NAA30: variants seen among roughly 807,000 people sequenced by gnomAD.
NAA30 encodes the protein N-alpha-acetyltransferase 30.
NAA30 carries 5 observed loss-of-function variants against 31.4 expected under a neutral mutation model. The observed-to-expected ratio is 0.16, with a 90% CI of 0.08 to 0.33. The LOEUF (loss-of-function observed/expected upper bound fraction) is 0.33, where lower values mean the gene tolerates loss of function less well. NAA30 is among the 10% of genes least tolerant of loss of function. NAA30 has a pLI of 1.00. For missense variants in NAA30, 428 were observed against 490.8 expected (o/e 0.87, Z 1.21); for synonymous variants, 222 against 207.1 (o/e 1.07, Z -0.62).
Position 57,415,746 on chromosome 14 carries a change from T to C in NAA30, c.*6230T>C, listed in dbSNP as rs1566553501. 1 of 152,196 alleles carries C rather than the reference T, an allele frequency of 6.6e-6. No homozygotes were observed. Among genetic ancestry groups the C allele is most frequent in the African/African-American group, 2.4e-5 (1 of 41,448 alleles). The allele number at this position is 152,196 out of a possible 1,614,324, so 9.4% of individuals were successfully genotyped here. On this transcript the variant is annotated 3_prime_UTR_variant, in exon 5 of 5. Coordinates refer to ENST00000556492, the MANE Select transcript of NAA30 (RefSeq NM_001011713.3). ...GATTTCTCATGATTGTATATGGTTA[T>C]TGATCATTTTTAAGGGGCTGAACCT...
At chr14:57,396,061 C>T (rs76692755) in intron 2 of NAA30, among the ~76,000 whole-genome samples, 1 of 152,136 alleles carries the variant, frequency 6.6e-6, no homozygotes, top group Non-Finnish European at 1.5e-5. Context: ...TGTAGCCTCT[C>T]CCTTCCTGGC....
At chr14:57,395,725 T>C (rs1358219303) in intron 2 of NAA30, among the ~76,000 whole-genome samples, 1 of 152,168 alleles carries the variant, frequency 6.6e-6, no homozygotes, top group East Asian at 1.9e-4. Flanking sequence ...CATAAAGCTT[T>C]GATTTTGAAC....
rs1212095007 is a variant in NAA30, at chr14:57,406,234, G to C, written c.952-3145G>C. Among the ~76,000 whole-genome samples the C allele has an allele frequency of 3.9e-5, 6 of 152,210 alleles. No homozygotes were observed. In the East Asian group the frequency reaches 1.2e-3, roughly 29 times the overall value. On this transcript the variant is annotated intron_variant, in intron 4 of 4. Transcript: ENST00000556492. ...GAGCTTCATTTCATTAATATATTAG[G>C]ATGCAAACAAACTTGAACTCAGTTC... is the stretch of plus-strand genomic sequence containing the variant.
chr14:57,391,621 C>T lies in NAA30; in HGVS notation c.664C>T (p.Leu222=), dbSNP rs769623004. The T allele has an allele frequency of 3.7e-6, 6 of 1,614,256 alleles. No homozygotes were observed. Among genetic ancestry groups the T allele is most frequent in the South Asian group, 3.3e-5 (3 of 91,092 alleles). Residue 222 remains leucine (L), a synonymous_variant, in exon 2 of 5, where the codon CTA becomes TTA. Transcript: ENST00000556492. The surrounding 1 kb of genome is among the most constrained non-coding windows in gnomAD (Gnocchi z 4.1). ...ACGATATGTCCGATATGAATCCGAG[C>T]TACAAATGCCCGATATCATGAGACT... is the stretch of plus-strand genomic sequence containing the variant. ...TIRYVRYESE[L]QMPDIMRLIT...
chr14:57,394,457 G>A (rs1047717757), intron 2 of NAA30, among the ~76,000 whole-genome samples: 4 of 151,860 alleles, frequency 2.6e-5, no homozygotes, highest in South Asian at 2.1e-4. Flanking sequence ...ATTTAATAGC[G>A]TGAATTCCAA....
intron 3 of NAA30, among the ~76,000 whole-genome samples, chr14:57,397,720 T>C (rs1594750591): frequency 6.6e-6 from 1 of 151,314 alleles, no homozygotes; most frequent in Non-Finnish European, 1.5e-5. Context: ...AGGTCAGGAG[T>C]TCAAGACCAG....
Position 57,409,608 on chromosome 14 carries a change from G to T in NAA30, c.*92G>T. On this transcript the variant is annotated 3_prime_UTR_variant, in exon 5 of 5. Coordinates refer to ENST00000556492, the MANE Select transcript of NAA30 (RefSeq NM_001011713.3). The stretch of plus-strand genomic sequence containing the variant: ...CAGAATTGCTTTGCAGGTGGATTTA[G>T]TAATTTCCATGCAGCTCTTACCTGT... 7.6e-7 allele frequency: 1 copy of T among 1,313,870 alleles called. No individual in the cohort carries two copies. Among genetic ancestry groups the T allele is most frequent in the Non-Finnish European group, 1.0e-6 (1 of 981,752 alleles). 81.4% of individuals were successfully genotyped at this position (1,313,870 alleles called of 1,614,324 possible). A position where few individuals can be genotyped will look rare whatever the true frequency, so the allele number is the denominator to read the frequency against.
intron 4 of NAA30, among the ~76,000 whole-genome samples, chr14:57,405,856 G>A (rs2066496329): frequency 6.6e-6 from 1 of 152,140 alleles, no homozygotes; most frequent in African/African-American, 2.4e-5. Flanking sequence ...AAGCAGTAAT[G>A]TTTTGTAATG....
At chr14:57,405,544 G>A (rs2066495318) in intron 4 of NAA30, among the ~76,000 whole-genome samples, 1 of 152,080 alleles carries the variant, frequency 6.6e-6, no homozygotes, top group Non-Finnish European at 1.5e-5. Flanking sequence ...TGGGTGAGTA[G>A]TTTGGCCTAA....
chr14:57,391,108 G>T lies in NAA30; in HGVS notation c.151G>T (p.Gly51Cys). Residue 51 changes from glycine (G) to cysteine (C), a missense_variant, in exon 2 of 5, where the codon GGC (glycine) becomes TGC (cysteine). Gly to Cys is a radical substitution (Grantham distance 159). Coordinates refer to ENST00000556492, the MANE Select transcript of NAA30 (RefSeq NM_001011713.3). This position sits in a 1 kb window ranked among gnomAD's most constrained non-coding sequence, Gnocchi z 4.1. ...DEEDDEEHEG[G>C]GSRSPAGGES... is the part of the protein sequence containing the mutation. ...GGAGGACGACGAAGAGCACGAAGGC[G>T]GCGGCAGCAGGAGCCCGGCGGGCGG... 1 of 1,573,466 alleles carries T rather than the reference G, an allele frequency of 6.4e-7. No individual in the cohort carries two copies. Among genetic ancestry groups the T allele is most frequent in the Non-Finnish European group, 8.6e-7 (1 of 1,162,926 alleles).
intron 1 of NAA30, 81 bp from the exon 2 acceptor site, chr14:57,390,876 G>GC: frequency 7.1e-7 from 1 of 1,400,856 alleles, no homozygotes. Flanking sequence ...CACCTCGGCC[G>GC]CCCCCCATCC....
rs552957895 is a variant in NAA30, at chr14:57,408,720, G to A, written c.952-659G>A. Among the ~76,000 whole-genome samples, 8 of 152,184 alleles carry A rather than the reference G, an allele frequency of 5.3e-5. 2 individuals carry two copies. The highest frequency in any genetic ancestry group is 2.1e-4 in the South Asian group (1 of 4,810). On this transcript the variant is annotated intron_variant, in intron 4 of 4. Coordinates refer to ENST00000556492, the MANE Select transcript of NAA30 (RefSeq NM_001011713.3). ...ATTCAGCAAACTTTCTTGGTAAAAG[G>A]CCCACTAGTAATTATTTTAGGCTTT...
Position 57,396,894 on chromosome 14 carries a change from T to C in NAA30, c.895+19T>C. 2 of 1,611,654 alleles carry C rather than the reference T, an allele frequency of 1.2e-6. No individual in the cohort carries two copies. Among genetic ancestry groups the C allele is most frequent in the Non-Finnish European group, 1.7e-6 (2 of 1,178,214 alleles). Reference sequence around the variant, plus strand: ...GGCATTGGTAAGAAAAATATTATTTTATGGAAAGAATGCCTAAGCTATTTT... The same window carrying C: ...GGCATTGGTAAGAAAAATATTATTTCATGGAAAGAATGCCTAAGCTATTTT... On this transcript the variant is annotated intron_variant, in intron 3 of 4. Coordinates refer to ENST00000556492, the MANE Select transcript of NAA30 (RefSeq NM_001011713.3).
chr14:57,396,735 GTT>G lies in NAA30; in HGVS notation c.772-15_772-14del. The G allele has an allele frequency of 6.2e-7, 1 of 1,613,648 alleles. No homozygotes were observed. The highest frequency in any genetic ancestry group is 8.5e-7 in the Non-Finnish European group (1 of 1,179,670). On this transcript the variant is annotated splice_polypyrimidine_tract_variant and intron_variant, in intron 2 of 4. Transcript: ENST00000556492. ...TGATGGCAATGTATTCTTCATAACT[GTT>G]TGTTTATTTTTAAGGCCATGGTAGG...
chr14:57,390,652 C>T lies in NAA30; in HGVS notation c.-55C>T, dbSNP rs1416933937. ...GCTGCCGCGGCTGCGAAGGAGGCGG[C>T]GGCGGTGGCGGAGGAAGAGGAGTGG... On this transcript the variant is annotated 5_prime_UTR_variant, in exon 1 of 5. Transcript: ENST00000556492. The T allele has an allele frequency of 9.5e-5, 35 of 368,172 alleles. No homozygotes were observed. In the Admixed American group the frequency reaches 1.5e-3, roughly 16 times the overall value. 22.8% of individuals were successfully genotyped at this position (368,172 alleles called of 1,614,324 possible).
intron 1 of NAA30, 71 bp downstream of exon 1, chr14:57,390,776 G>A: frequency 1.8e-6 from 1 of 552,540 alleles, no homozygotes; most frequent in Admixed American, 4.2e-5. Flanking sequence ...ACGGTGGCCG[G>A]CTGAGCAGCT....
intron 4 of NAA30, 70 bp from the exon 5 acceptor site, chr14:57,409,309 A>C: frequency 1.6e-6 from 2 of 1,245,518 alleles, no homozygotes; most frequent in Non-Finnish European, 2.2e-6. Flanking sequence ...TTTTTAAAAA[A>C]TTGTTTAGTT....
intron 4 of NAA30, among the ~76,000 whole-genome samples, chr14:57,407,019 A>G (rs867536634): frequency 3.3e-5 from 5 of 152,010 alleles, no homozygotes; most frequent in Non-Finnish European, 7.4e-5. Context: ...CTGCCCCTCC[A>G]AGTAGCTGAG....
chr14:57,401,044 C>G (rs1321158998), intron 4 of NAA30, among the ~76,000 whole-genome samples: 1 of 152,074 alleles, frequency 6.6e-6, no homozygotes, highest in African/African-American at 2.4e-5. Context: ...CCTGTTGCTA[C>G]TGTTAACTGT....
Sources: gnomAD v4.1 joint callset for allele counts (sites outside exome capture counted in the v4.1 genomes callset) on GRCh38, gnomAD v4.1.1 for gene constraint, Gnocchi (gnomAD v3.1) non-coding constraint, MANE v1.5 for transcripts, NCBI Gene and HGNC (gene_info 2026-07-23, HGNC 2026-07-21) for gene names.